The following SYNE2 variants were observed in gnomAD, a reference collection of about 807,000 sequenced individuals.
SYNE2 encodes the protein nesprin-2.
A neutral mutation model predicts 856.3 loss-of-function variants in SYNE2; 431 were observed. The ratio of observed to expected loss-of-function variants is 0.50; its 90% CI spans 0.47 to 0.55. The LOEUF (loss-of-function observed/expected upper bound fraction) is 0.55, where lower values mean the gene tolerates loss of function less well. Among genes scored for constraint, SYNE2 ranks in the 20% least tolerant of loss-of-function variants. The pLI is 0.00. For synonymous variants in SYNE2, 2,923 were observed against 2,872.3 expected (o/e 1.02, Z -0.56); for missense variants, 8,129 against 8,023.2 (o/e 1.01, Z -0.50).
intron 1 of SYNE2, among the ~76,000 whole-genome samples, chr14:63,885,696 G>A (rs113270250): frequency 0.031 from 4,785 of 152,136 alleles, 270 homozygotes; most frequent in African/African-American, 0.11. Flanking sequence ...CAAACTCCTG[G>A]GCTCAAGCAA....
chr14:64,032,902 T>C (rs1478014594), intron 45 of SYNE2, among the ~76,000 whole-genome samples: 1 of 152,218 alleles, frequency 6.6e-6, no homozygotes, highest in Non-Finnish European at 1.5e-5. Flanking sequence ...ACTTAGTGGC[T>C]CACACCACTA....
intron 1 of SYNE2, among the ~76,000 whole-genome samples, chr14:63,847,647 G>A (rs1215710138): frequency 2.0e-5 from 3 of 150,294 alleles, no homozygotes; most frequent in East Asian, 2.0e-4. Flanking sequence ...GTGCAGTGGC[G>A]GGATCTCGGC....
At chr14:64,017,856 C>G in intron 34 of SYNE2, 100 bp downstream of exon 34, 1 of 1,196,860 alleles carries the variant, frequency 8.4e-7, no homozygotes, top group East Asian at 2.5e-5. Flanking sequence ...TCATATGTGA[C>G]TTTGTTATCA....
chr14:64,047,967 C>T (rs2097198242), intron 45 of SYNE2, 33 bp from the exon 46 acceptor site: 1 of 1,607,036 alleles, frequency 6.2e-7, no homozygotes, highest in African/African-American at 1.3e-5. Context: ...GGAAAGTAGA[C>T]TATTCAGCAA....
At chr14:64,141,652 A>T (rs975318721) in intron 81 of SYNE2, 129 bp downstream of exon 81, 24 of 1,043,702 alleles carry the variant, frequency 2.3e-5, no homozygotes, top group Middle Eastern at 3.0e-4. Flanking sequence ...ACTGAATATA[A>T]GTCTTAATTA....
chr14:64,061,485 A>C (rs1443759971), intron 49 of SYNE2, among the ~76,000 whole-genome samples: 2 of 152,248 alleles, frequency 1.3e-5, no homozygotes, highest in Non-Finnish European at 2.9e-5. Context: ...AACCAGCAGC[A>C]TATAAGTATT....
chr14:63,791,093 G>C (rs1002863224), intron 1 of SYNE2, among the ~76,000 whole-genome samples: 2 of 152,048 alleles, frequency 1.3e-5, no homozygotes, highest in Non-Finnish European at 2.9e-5. Context: ...AAGTAAGTGG[G>C]ATTACAAATG....
At chr14:64,024,534 G>C (rs1455682589) in intron 39 of SYNE2, 75 bp downstream of exon 39, 1 of 1,400,878 alleles carries the variant, frequency 7.1e-7, no homozygotes, top group Non-Finnish European at 1.0e-6. Flanking sequence ...TCAGCGCAGA[G>C]AGCACTGGGA....
Position 63,997,095 on chromosome 14 carries a change from T to G in SYNE2, c.3089T>G (p.Leu1030Arg). 3 of 1,614,146 alleles carry G rather than the reference T, an allele frequency of 1.9e-6. No individual in the cohort carries two copies. The highest frequency in any genetic ancestry group is 2.5e-6 in the Non-Finnish European group (3 of 1,180,014). The change falls in exon 24 of 116, where the codon CTG becomes CGG. Residue 1030 changes from leucine to arginine, a missense_variant. Transcript: ENST00000555002. ...KDYEQKIERL[L>R]KCASEIHMTL... ...TATGAACAAAAGATAGAAAGACTTCTGAAATGTGCTTCCGAGATTCATATG... is the reference window on the plus strand; with the variant it reads ...TATGAACAAAAGATAGAAAGACTTCGGAAATGTGCTTCCGAGATTCATATG...
intron 1 of SYNE2, among the ~76,000 whole-genome samples, chr14:63,889,476 T>A (rs2095077067): frequency 6.6e-6 from 1 of 152,124 alleles, no homozygotes; most frequent in Non-Finnish European, 1.5e-5. Context: ...ATTTTTATTT[T>A]AAAATATTTA....
chr14:64,129,932 A>C, intron 75 of SYNE2, 31 bp downstream of exon 75: 1 of 1,614,058 alleles, frequency 6.2e-7, no homozygotes, highest in Non-Finnish European at 8.5e-7. Context: ...TTGACTCAGC[A>C]CTGTGATTGT....
At position 64,080,572 on chromosome 14, in the gene SYNE2, G is replaced by T. The variant is rs1276542411; in HGVS notation, c.11280G>T (p.Met3760Ile). ...GQAQEWMDNLMIPFQQYQQVS... is the reference protein window; with the variant it reads ...GQAQEWMDNLIIPFQQYQQVS... ...CTCAAGAATGGATGGATAACTTGAT[G>T]ATTCCTTTCCAGCAGTATCAGCAAG... The change falls in exon 56 of 116, where the codon ATG becomes ATT. Residue 3760 changes from methionine to isoleucine, a missense_variant. Met to Ile is a conservative substitution (Grantham distance 10, BLOSUM62 1). Transcript: ENST00000555002. The T allele has an allele frequency of 6.2e-7, 1 of 1,614,210 alleles. No individual in the cohort carries two copies. The highest frequency in any genetic ancestry group is 2.2e-5 in the East Asian group (1 of 44,886).
intron 2 of SYNE2, among the ~76,000 whole-genome samples, chr14:63,920,615 G>A (rs557388021): frequency 1.3e-5 from 2 of 151,364 alleles, no homozygotes; most frequent in East Asian, 2.0e-4. Context: ...TCAGTGTGGC[G>A]TCTAGTCTTT....
rs952142150 is a variant in SYNE2 at position 64,017,347 on chromosome 14, A to G, written c.4888-248A>G. On this transcript the variant is annotated intron_variant, in intron 33 of 115. Coordinates refer to ENST00000555002, the MANE Select transcript of SYNE2 (RefSeq NM_182914.3). ...CCATCTCAAAAAAAAAAAAAAAAAAAAAAAAAGAAATTAGGAAGACTATTG... is the reference window on the plus strand; with the variant it reads ...CCATCTCAAAAAAAAAAAAAAAAAAGAAAAAAGAAATTAGGAAGACTATTG... 4.6e-5 allele frequency among the ~76,000 whole-genome samples: 7 copies of G among 151,510 alleles called. No homozygotes were observed. The East Asian group carries it at 1.2e-3, about 25-fold the overall frequency.
chr14:64,201,426 C>T (rs10162323), intron 99 of SYNE2, among the ~76,000 whole-genome samples: 67,063 of 152,020 alleles, frequency 0.44, 16,573 homozygotes, highest in African/African-American at 0.68. Flanking sequence ...GCTGTGAGTG[C>T]GGCGGAAACT....
intron 61 of SYNE2, among the ~76,000 whole-genome samples, chr14:64,096,622 C>T (rs1332202634): frequency 6.6e-6 from 1 of 152,118 alleles, no homozygotes; most frequent in East Asian, 1.9e-4. Context: ...GTTGTTATTT[C>T]CCAAAAGCAA....
intron 108 of SYNE2, among the ~76,000 whole-genome samples, chr14:64,217,115 C>T (rs912922722): frequency 2.0e-5 from 3 of 152,186 alleles, no homozygotes; most frequent in African/African-American, 7.2e-5. Flanking sequence ...GATTTGATTC[C>T]TAGCCCTGCC....
At chr14:63,845,341 A>C (rs1306001371) in intron 1 of SYNE2, among the ~76,000 whole-genome samples, 1 of 151,826 alleles carries the variant, frequency 6.6e-6, no homozygotes, top group Non-Finnish European at 1.5e-5. Context: ...ACTTGAACCC[A>C]GGAGGCAGAG....
At chr14:64,091,098 A>G (rs779298477) in intron 60 of SYNE2, 50 bp downstream of exon 60, 156 of 1,579,164 alleles carry the variant, frequency 9.9e-5, no homozygotes, top group Non-Finnish European at 1.3e-4. Flanking sequence ...ATGTTCACCA[A>G]AAGCTGGTTT....
Sources: allele counts gnomAD v4.1 joint callset (sites outside exome capture counted in the v4.1 genomes callset), GRCh38; gene constraint gnomAD v4.1.1; transcripts MANE v1.5; gene names NCBI Gene and HGNC (gene_info 2026-07-23, HGNC 2026-07-21).